FSTL1: variants seen among roughly 807,000 people sequenced by gnomAD.
The protein encoded by FSTL1 is follistatin-related protein 1.
In FSTL1, 24 loss-of-function variants were observed where a neutral mutation model predicts 45.9. The observed-to-expected ratio is 0.52, with a 90% CI of 0.38 to 0.74. The LOEUF (loss-of-function observed/expected upper bound fraction) is 0.74. FSTL1 is among the 30% of genes least tolerant of loss of function. FSTL1 has a pLI of 0.00. For synonymous variants in FSTL1, 120 were observed against 137.6 expected (o/e 0.87, Z 0.89); for missense variants, 340 against 381.8 (o/e 0.89, Z 0.91).
At chr3:120,398,531 C>T (rs1036291317) in intron 10 of FSTL1, among the ~76,000 whole-genome samples, 2 of 152,218 alleles carry the variant, frequency 1.3e-5, no homozygotes, top group African/African-American at 4.8e-5. Flanking sequence ...GCTTCATCCC[C>T]ACTCAGGCAC....
chr3:120,432,785 G>A (rs1004394480), intron 2 of FSTL1, among the ~76,000 whole-genome samples: 1 of 152,142 alleles, frequency 6.6e-6, no homozygotes, highest in South Asian at 2.1e-4. Flanking sequence ...TGGTAAGTCC[G>A]GGAACTCTGA....
chr3:120,440,810 C>A (rs957532803), intron 2 of FSTL1, among the ~76,000 whole-genome samples: 2 of 152,170 alleles, frequency 1.3e-5, no homozygotes, highest in African/African-American at 4.8e-5. Flanking sequence ...CCTACTGCAG[C>A]CCAGACACTT....
At chr3:120,432,491 C>A (rs1335150885) in intron 2 of FSTL1, among the ~76,000 whole-genome samples, 1 of 152,092 alleles carries the variant, frequency 6.6e-6, no homozygotes, top group Non-Finnish European at 1.5e-5. Context: ...CCCTCCGAGA[C>A]CCTCAAGCTG....
At chr3:120,444,682 T>C (rs1937699376) in intron 2 of FSTL1, among the ~76,000 whole-genome samples, 1 of 149,848 alleles carries the variant, frequency 6.7e-6, no homozygotes, top group Non-Finnish European at 1.5e-5. Flanking sequence ...TGATAAAATA[T>C]GAAAATAAAA....
intron 10 of FSTL1, among the ~76,000 whole-genome samples, chr3:120,398,017 G>C (rs759756933): frequency 6.6e-6 from 1 of 152,170 alleles, no homozygotes; most frequent in Non-Finnish European, 1.5e-5. Flanking sequence ...ACTGTTGTAT[G>C]ATACCACTGT....
chr3:120,407,484 C>G (rs1382324274), intron 6 of FSTL1, among the ~76,000 whole-genome samples: 1 of 152,226 alleles, frequency 6.6e-6, no homozygotes, highest in Non-Finnish European at 1.5e-5. Context: ...ACCTAAGAAA[C>G]AGTGACTACA....
chr3:120,429,587 C>T (rs894873075), intron 2 of FSTL1, among the ~76,000 whole-genome samples: 1 of 152,144 alleles, frequency 6.6e-6, no homozygotes. Context: ...AATTTTGGGA[C>T]TGGATTTTCA....
intron 1 of FSTL1, 63 bp downstream of exon 1, chr3:120,450,834 G>GC: frequency 1.1e-6 from 1 of 939,716 alleles, no homozygotes; most frequent in Non-Finnish European, 1.5e-6. Context: ...GCTCGCTCCG[G>GC]CCGCCCAAGC....
chr3:120,413,025 G>A (rs1307594049), intron 3 of FSTL1, among the ~76,000 whole-genome samples: 1 of 152,154 alleles, frequency 6.6e-6, no homozygotes, highest in Non-Finnish European at 1.5e-5. Flanking sequence ...GAATCATTAT[G>A]GACAGGGAAA....
In FSTL1 at chr3:120,399,886, A is replaced by G. The variant is rs780033290; in HGVS notation, c.879T>C (p.His293=). The change falls in exon 10 of 11, where the codon CAT becomes CAC. Residue 293 remains histidine (H), a synonymous_variant. Transcript: ENST00000295633. ...CAGCACGGAGGCTGCCACTCACCTG[A>G]TGCTTTTGGAGCTCCTGGACATATC... ...MTRYVQELQK[H]QETAEKTKRV... is the part of the protein sequence containing the mutation. 2.5e-6 allele frequency: 4 copies of G among 1,600,756 alleles called. No individual in the cohort carries two copies. Among genetic ancestry groups the G allele is most frequent in the Admixed American group, 3.4e-5 (2 of 58,840 alleles).
At chr3:120,419,055 CCT>C (rs2107659638) in intron 2 of FSTL1, 1 of 152,218 alleles carries the variant, frequency 6.6e-6, no homozygotes, top group East Asian at 1.9e-4. Flanking sequence ...CACAATCATT[CCT>C]CTTTGCAGGT....
chr3:120,412,471 G>A (rs1213763947), intron 3 of FSTL1, among the ~76,000 whole-genome samples: 1 of 152,178 alleles, frequency 6.6e-6, no homozygotes, highest in East Asian at 1.9e-4. Context: ...TTGGAAGTTA[G>A]AGACCAGGCC....
intron 6 of FSTL1, among the ~76,000 whole-genome samples, chr3:120,406,172 C>T (rs1050502529): frequency 2.0e-5 from 3 of 152,054 alleles, no homozygotes; most frequent in Non-Finnish European, 2.9e-5. Context: ...CATTCTTGTC[C>T]TAATTCCTAG....
intron 7 of FSTL1, 112 bp downstream of exon 7, chr3:120,404,741 T>C (rs1936913228): frequency 2.8e-6 from 2 of 710,578 alleles, no homozygotes; most frequent in Non-Finnish European, 5.2e-6. Context: ...TTTTGCTTTT[T>C]ACGTGACATT....
rs368971902 is a variant in FSTL1, at chr3:120,434,507, T to C, written c.63+16177A>G. On this transcript the variant is annotated intron_variant, in intron 2 of 10. Transcript: ENST00000295633. ...ATCCTGTTCATGGGAAGTCTGTCCA[T>C]GGAACACTAGCCTTGAAATATTTAT... 4.6e-4 allele frequency among the ~76,000 whole-genome samples: 70 copies of C among 152,340 alleles called. 2 individuals are homozygous for C. In the East Asian group the frequency reaches 0.01, roughly 22 times the overall value.
intron 2 of FSTL1, chr3:120,423,732 G>C (rs370374401): frequency 2.6e-5 from 4 of 152,032 alleles, no homozygotes; most frequent in Admixed American, 2.0e-4. Flanking sequence ...AGGGTCTTTC[G>C]GGCTCCCCAT....
At chr3:120,397,885 C>T (rs1438133190) in intron 10 of FSTL1, among the ~76,000 whole-genome samples, 5 of 152,174 alleles carry the variant, frequency 3.3e-5, no homozygotes, top group Non-Finnish European at 7.3e-5. Context: ...ATGGATAACA[C>T]AACATGTGGT....
rs78418394 is a variant in FSTL1 at position 120,438,950 on chromosome 3, G to T, written c.63+11734C>A. 4.7e-3 allele frequency among the ~76,000 whole-genome samples: 713 copies of T among 152,262 alleles called. 11 individuals are homozygous for T. Among genetic ancestry groups the T allele is most frequent in the African/African-American group, 0.016 (652 of 41,544 alleles). ...TCACTCACCTGTTTCCTATGTGTGC[G>T]ACTCGTTGCCAGTCCCCCGGGACAG... On this transcript the variant is annotated intron_variant, in intron 2 of 10. Transcript: ENST00000295633.
chr3:120,433,081 G>A (rs1230130007), intron 2 of FSTL1, among the ~76,000 whole-genome samples: 1 of 152,240 alleles, frequency 6.6e-6, no homozygotes, highest in Non-Finnish European at 1.5e-5. Context: ...AAGGTGACTA[G>A]TGACTATGGG....
Sources: gnomAD v4.1 joint callset for allele counts (sites outside exome capture counted in the v4.1 genomes callset) on GRCh38, gnomAD v4.1.1 for gene constraint, MANE v1.5 for transcripts, NCBI Gene and HGNC (gene_info 2026-07-23, HGNC 2026-07-21) for gene names.